The following CLYBL variants were observed in gnomAD, a reference collection of about 807,000 sequenced individuals.
CLYBL encodes the protein citramalyl-CoA lyase, mitochondrial.
In CLYBL, 31 loss-of-function variants were observed where a neutral mutation model predicts 38.9. The observed-to-expected ratio is 0.80, with a 90% CI of 0.60 to 1.08. The LOEUF is 1.08. Ranked by LOEUF, CLYBL falls within the 50% of genes least tolerant of loss-of-function variation. The pLI, the probability that CLYBL is intolerant of heterozygous loss-of-function variation, is 0.00. For missense variants in CLYBL, 434 were observed against 411.6 expected, an observed-to-expected ratio of 1.05 and a Z score of -0.47; for synonymous variants, 171 against 158.6, an observed-to-expected ratio of 1.08 and a Z score of -0.59.
intron 1 of CLYBL, among the ~76,000 whole-genome samples, chr13:99,671,049 C>T (rs774723093): frequency 3.9e-5 from 6 of 152,176 alleles, no homozygotes; most frequent in Non-Finnish European, 5.9e-5. Context: ...TATGACACAC[C>T]GGTCTCCTTT....
At position 99,869,906 on chromosome 13, in the gene CLYBL, A is replaced by G. The variant is rs1319457438; in HGVS notation, c.803-1032A>G. 6.6e-6 allele frequency among the ~76,000 whole-genome samples: 1 copy of G among 152,110 alleles called. No homozygotes were observed. Among genetic ancestry groups the G allele is most frequent in the Non-Finnish European group, 1.5e-5 (1 of 67,968 alleles). ...ATGTTCATAACTTTATCACGTAACA[A>G]TATAATCTCATCATTATTATAACAT... On this transcript the variant is annotated intron_variant, in intron 6 of 8. Coordinates refer to ENST00000339105, the MANE Select transcript of CLYBL (RefSeq NM_206808.5). This position sits in a 1 kb window ranked among gnomAD's most constrained non-coding sequence, Gnocchi z 4.3.
At chr13:99,720,836 T>TG (rs1730425716) in intron 1 of CLYBL, among the ~76,000 whole-genome samples, 1 of 152,242 alleles carries the variant, frequency 6.6e-6, no homozygotes, top group Non-Finnish European at 1.5e-5. Context: ...ATCTGGCTCC[T>TG]GACTGTGCTG....
At chr13:99,743,903 C>T (rs1047985896) in intron 1 of CLYBL, among the ~76,000 whole-genome samples, 5 of 150,522 alleles carry the variant, frequency 3.3e-5, no homozygotes, top group Admixed American at 6.6e-5. Flanking sequence ...TGCGGGGACT[C>T]GGGATAACCT....
chr13:99,877,571 CTTTTT>C (rs561372911), intron 7 of CLYBL: 7,316 of 213,050 alleles, frequency 0.034, 4 homozygotes, highest in South Asian at 0.054. Flanking sequence ...TTTTGTAATT[CTTTTT>C]TTTTTTTTTT....
chr13:99,839,242 G>A (rs2051010424), intron 2 of CLYBL, among the ~76,000 whole-genome samples: 1 of 152,206 alleles, frequency 6.6e-6, no homozygotes, highest in African/African-American at 2.4e-5. Flanking sequence ...AACTCAAGAG[G>A]GCAGAGGATG....
intron 2 of CLYBL, among the ~76,000 whole-genome samples, chr13:99,790,098 T>C (rs953888768): frequency 1.3e-5 from 2 of 152,206 alleles, no homozygotes; most frequent in South Asian, 2.1e-4. Flanking sequence ...TGTCTCTGCA[T>C]GTGAGATGGG....
intron 1 of CLYBL, among the ~76,000 whole-genome samples, chr13:99,612,848 C>CA (rs113254793): frequency 1.3e-5 from 2 of 151,200 alleles, no homozygotes; most frequent in African/African-American, 2.4e-5. Flanking sequence ...GCTGTCACTA[C>CA]AAAAAAAATT....
chr13:99,617,532 C>A (rs1359166970), intron 1 of CLYBL, among the ~76,000 whole-genome samples: 1 of 152,114 alleles, frequency 6.6e-6, no homozygotes, highest in South Asian at 2.1e-4. Flanking sequence ...AACAGAAAAC[C>A]CCATGCCAAG....
chr13:99,842,643 T>C (rs8002555), intron 2 of CLYBL, among the ~76,000 whole-genome samples: 85,595 of 151,868 alleles, frequency 0.56, 24,362 homozygotes, highest in East Asian at 0.7. Flanking sequence ...CAACCTAATA[T>C]GAACTCAGAA....
At chr13:99,770,079 TC>T (rs1357318305) in intron 1 of CLYBL, among the ~76,000 whole-genome samples, 968 of 86,948 alleles carry the variant, frequency 0.011, 20 homozygotes, top group Admixed American at 0.061. Context: ...TTCTTTTCTT[TC>T]TTTTTTTTTT....
downstream of CLYBL, among the ~76,000 whole-genome samples, chr13:99,898,177 A>G (rs1247124646): frequency 6.6e-6 from 1 of 152,212 alleles, no homozygotes; most frequent in Non-Finnish European, 1.5e-5. Context: ...TGGTTTACAT[A>G]ACGCCAAATA....
chr13:99,856,164 T>TG (rs2051454346), intron 2 of CLYBL, among the ~76,000 whole-genome samples: 1 of 152,218 alleles, frequency 6.6e-6, no homozygotes, highest in Non-Finnish European at 1.5e-5. Context: ...GCTGAAACCA[T>TG]GGCAATCCGA....
chr13:99,735,662 A>G (rs2048654871), intron 1 of CLYBL, among the ~76,000 whole-genome samples: 1 of 152,224 alleles, frequency 6.6e-6, no homozygotes, highest in Non-Finnish European at 1.5e-5. Flanking sequence ...AGATTGCAAA[A>G]TAAAATAAAC....
At chr13:99,843,922 A>G (rs2051140682) in intron 2 of CLYBL, among the ~76,000 whole-genome samples, 1 of 152,188 alleles carries the variant, frequency 6.6e-6, no homozygotes, top group African/African-American at 2.4e-5. Flanking sequence ...ATCTTACTCC[A>G]TAGGGAATTG....
intron 7 of CLYBL, among the ~76,000 whole-genome samples, chr13:99,890,482 T>C (rs2052460672): frequency 6.6e-6 from 1 of 152,202 alleles, no homozygotes; most frequent in African/African-American, 2.4e-5. Flanking sequence ...TCTTTCTTTT[T>C]TGAGATGGAG....
chr13:99,753,782 T>A (rs1240846680), intron 1 of CLYBL, among the ~76,000 whole-genome samples: 1 of 152,168 alleles, frequency 6.6e-6, no homozygotes, highest in African/African-American at 2.4e-5. Context: ...CTGCTACTTA[T>A]ATGACTCAAA....
chr13:99,815,261 A>T (rs953505945), intron 2 of CLYBL, among the ~76,000 whole-genome samples: 2 of 152,084 alleles, frequency 1.3e-5, no homozygotes, highest in East Asian at 1.9e-4. Flanking sequence ...GATATAACTC[A>T]TGTGTACGTG....
chr13:99,795,263 GT>G (rs1238222880), intron 2 of CLYBL, among the ~76,000 whole-genome samples: 1 of 152,212 alleles, frequency 6.6e-6, no homozygotes, highest in Non-Finnish European at 1.5e-5. Flanking sequence ...ACCTCCAAAA[GT>G]TAACAGTTGG....
At chr13:99,631,908 A>G (rs1247266816) in intron 1 of CLYBL, among the ~76,000 whole-genome samples, 1 of 152,108 alleles carries the variant, frequency 6.6e-6, no homozygotes, top group African/African-American at 2.4e-5. Flanking sequence ...GCCACACACA[A>G]AGTATTTTTA....
Sources: allele counts gnomAD v4.1 joint callset (sites outside exome capture counted in the v4.1 genomes callset), GRCh38; gene constraint gnomAD v4.1.1; non-coding constraint Gnocchi (gnomAD v3.1); transcripts MANE v1.5; gene names NCBI Gene and HGNC (gene_info 2026-07-23, HGNC 2026-07-21).